Variants in CSNK1D observed in about 807,000 individuals in gnomAD.
CSNK1D encodes the protein casein kinase I isoform delta.
CSNK1D carries 16 observed loss-of-function variants against 46.6 expected under a neutral mutation model. That is an observed-to-expected ratio of 0.34 (90% CI 0.23 to 0.52). The LOEUF (loss-of-function observed/expected upper bound fraction) is 0.52. CSNK1D is among the 20% of genes least tolerant of loss of function. The pLI, the probability that CSNK1D is intolerant of heterozygous loss-of-function variation, is 0.95. For synonymous variants in CSNK1D, 276 were observed against 228.2 expected (o/e 1.21, Z -1.89); for missense variants, 398 against 578.4 (o/e 0.69, Z 3.20).
At chr17:82,261,418 A>T (rs549118963) in intron 2 of CSNK1D, among the ~76,000 whole-genome samples, 5 of 152,300 alleles carry the variant, frequency 3.3e-5, no homozygotes, top group Admixed American at 1.3e-4. Flanking sequence ...TGGGGATAAA[A>T]ATCGGGTGGA....
chr17:82,244,849 CAGG>C lies in CSNK1D; in HGVS notation c.1198-21_1198-19del, dbSNP rs750836786. 28 of 1,613,598 alleles carry C rather than the reference CAGG, an allele frequency of 1.7e-5. No individual in the cohort carries two copies. Among genetic ancestry groups the C allele is most frequent in the African/African-American group, 9.3e-5 (7 of 75,072 alleles). ...CCAGGAATCTGTCGGAGCCAAAGCACAGGAGAAGGTCAGCATGGGGCTGGGGGA... is the reference window on the plus strand; with the variant it reads ...CCAGGAATCTGTCGGAGCCAAAGCACAGAAGGTCAGCATGGGGCTGGGGGA... On this transcript the variant is annotated intron_variant, in intron 8 of 8. Coordinates refer to ENST00000314028, the MANE Select transcript of CSNK1D (RefSeq NM_001893.6).
rs557690262 is a variant in CSNK1D, at chr17:82,255,233, C to T, written c.336+196G>A. 72 of 700,802 alleles carry T rather than the reference C, an allele frequency of 1.0e-4. No homozygotes were observed. In the East Asian group the frequency reaches 1.8e-3, roughly 18 times the overall value. The allele number at this position is 700,802 out of a possible 1,614,324, so 43.4% of individuals were successfully genotyped here. On this transcript the variant is annotated intron_variant, in intron 3 of 8. Coordinates refer to ENST00000314028, the MANE Select transcript of CSNK1D (RefSeq NM_001893.6). This position sits in a 1 kb window ranked among gnomAD's most constrained non-coding sequence, Gnocchi z 5.9. ...CCAGTGAGCTGGGCCGCCGGAGCCT[C>T]GAGAAGCCAGTGAGCGGAGCCACCG...
intron 2 of CSNK1D, among the ~76,000 whole-genome samples, chr17:82,256,384 G>A (rs566438837): frequency 4.6e-5 from 7 of 152,074 alleles, no homozygotes; most frequent in Non-Finnish European, 7.4e-5. Flanking sequence ...GTGGTGGCAC[G>A]CTTCTGTGGT....
chr17:82,265,824 G>A (rs766801883), intron 1 of CSNK1D, 28 bp from the exon 2 acceptor site: 3 of 1,543,656 alleles, frequency 1.9e-6, no homozygotes, highest in Non-Finnish European at 2.7e-6. Context: ...ACCACAACAG[G>A]AATTACCTGG....
intron 1 of CSNK1D, among the ~76,000 whole-genome samples, chr17:82,267,734 G>A (rs995818998): frequency 1.3e-5 from 2 of 152,214 alleles, no homozygotes; most frequent in African/African-American, 2.4e-5. Context: ...CCAGCCGGGA[G>A]GGAGGGTGAC....
In CSNK1D at chr17:82,243,965, G is replaced by T. The variant is rs2050787389; in HGVS notation, c.*816C>A. The stretch of plus-strand genomic sequence containing the variant: ...AGCTGCCTGCCCACCTCCTGGGGAA[G>T]AAGCGCGCAGTGCTTTGCCTGGTAA... On this transcript the variant is annotated 3_prime_UTR_variant, in exon 9 of 9. Coordinates refer to ENST00000314028, the MANE Select transcript of CSNK1D (RefSeq NM_001893.6). 2 of 985,818 alleles carry T rather than the reference G, an allele frequency of 2.0e-6. No individual in the cohort carries two copies. Among genetic ancestry groups the T allele is most frequent in the Non-Finnish European group, 2.4e-6 (2 of 830,198 alleles). The allele number at this position is 985,818 out of a possible 1,614,324, so 61.1% of individuals were successfully genotyped here.
At chr17:82,258,587 C>A (rs2051245003) in intron 2 of CSNK1D, among the ~76,000 whole-genome samples, 1 of 152,172 alleles carries the variant, frequency 6.6e-6, no homozygotes, top group Admixed American at 6.5e-5. Flanking sequence ...TTCCCTTTCT[C>A]CACTCCAATG....
rs112053733 is a variant in CSNK1D at position 82,258,014 on chromosome 17, GA to G, written c.188-2438del. ...TTAAGTCCAAGTTTGAGACCAGAAA[GA>G]AAACATACTGAGACCCCCGTCTCTA... On this transcript the variant is annotated intron_variant, in intron 2 of 8. Transcript: ENST00000314028. Among the ~76,000 whole-genome samples, 146 of 152,038 alleles carry G rather than the reference GA, an allele frequency of 9.6e-4. 1 individual carries two copies. The highest frequency in any genetic ancestry group is 3.3e-3 in the African/African-American group (135 of 41,476).
chr17:82,242,955 T>C lies in CSNK1D; in HGVS notation c.*1826A>G. 1.0e-6 allele frequency: 1 copy of C among 985,364 alleles called. No individual in the cohort carries two copies. Among genetic ancestry groups the C allele is most frequent in the Non-Finnish European group, 1.2e-6 (1 of 829,878 alleles). 61.0% of individuals were successfully genotyped at this position (985,364 alleles called of 1,614,324 possible). ...ACCACAGATATTTACAAAGCAAGCT[T>C]GCGCCACTTCAGGCCACAGCGCGAC... On this transcript the variant is annotated 3_prime_UTR_variant, in exon 9 of 9. Coordinates refer to ENST00000314028, the MANE Select transcript of CSNK1D (RefSeq NM_001893.6).
chr17:82,247,958 T>C (rs2050893418), intron 8 of CSNK1D: 1 of 985,506 alleles, frequency 1.0e-6, no homozygotes, highest in Non-Finnish European at 1.2e-6. Flanking sequence ...GGCATGTTCC[T>C]GGCTAGCCAG....
chr17:82,267,579 C>G (rs1329932302), intron 1 of CSNK1D, among the ~76,000 whole-genome samples: 2 of 152,216 alleles, frequency 1.3e-5, no homozygotes, highest in Non-Finnish European at 1.5e-5. Context: ...CTTCAGAGTA[C>G]TCGAGGTAAC....
At chr17:82,268,038 C>A (rs1287944753) in intron 1 of CSNK1D, among the ~76,000 whole-genome samples, 1 of 152,264 alleles carries the variant, frequency 6.6e-6, no homozygotes, top group Non-Finnish European at 1.5e-5. Flanking sequence ...GGACCTCTCG[C>A]TGTGCAAGCA....
Position 82,263,031 on chromosome 17 carries a change from TTAGC to T in CSNK1D, c.187+2651_187+2654del, listed in dbSNP as rs761174725. Among the ~76,000 whole-genome samples the T allele has an allele frequency of 3.8e-4, 58 of 152,074 alleles. 1 individual carries two copies. Among genetic ancestry groups the T allele is most frequent in the Non-Finnish European group, 6.6e-4 (45 of 67,974 alleles). Reference sequence around the variant, plus strand: ...CCTATCTCTACTAAAAATACAAAAATTAGCCAGGCAGGGTGGCTCATGCCTGTAA... The same window carrying T: ...CCTATCTCTACTAAAAATACAAAAATCAGGCAGGGTGGCTCATGCCTGTAA... On this transcript the variant is annotated intron_variant, in intron 2 of 8. Transcript: ENST00000314028.
rs887301105 is a variant in CSNK1D at position 82,252,736 on chromosome 17, G to C, written c.566-132C>G. On this transcript the variant is annotated intron_variant, in intron 4 of 8. Coordinates refer to ENST00000314028, the MANE Select transcript of CSNK1D (RefSeq NM_001893.6). This position sits in a 1 kb window ranked among gnomAD's most constrained non-coding sequence, Gnocchi z 4.6. The stretch of plus-strand genomic sequence containing the variant: ...CAGATCACTCCAGCTGGCACTTCCA[G>C]TGGAGACGAACCTCGGACACACATG... The C allele has an allele frequency of 3.1e-5, 30 of 970,282 alleles. No homozygotes were observed. Among genetic ancestry groups the C allele is most frequent in the African/African-American group, 6.5e-5 (4 of 61,980 alleles). 60.1% of individuals were successfully genotyped at this position (970,282 alleles called of 1,614,324 possible).
intron 2 of CSNK1D, among the ~76,000 whole-genome samples, chr17:82,259,704 C>T (rs1017302411): frequency 3.3e-5 from 5 of 152,162 alleles, no homozygotes; most frequent in Middle Eastern, 3.2e-3. Flanking sequence ...ATGAGTCAGA[C>T]GAAGCTACTG....
intron 1 of CSNK1D, among the ~76,000 whole-genome samples, chr17:82,271,769 G>A (rs998576062): frequency 6.6e-6 from 1 of 152,232 alleles, no homozygotes. Flanking sequence ...GTGACAAGTG[G>A]GAAGGGTGTG....
At chr17:82,254,689 G>A (rs1346489659) in intron 3 of CSNK1D, 3 of 101,346 alleles carry the variant, frequency 3.0e-5, no homozygotes, top group East Asian at 4.0e-4. Flanking sequence ...CCGGAGCCTC[G>A]AGACGCCAGT....
rs112553966 is a variant in CSNK1D at position 82,251,827 on chromosome 17, G to GAAAA, written c.737-304_737-301dup. 4.1e-5 allele frequency: 11 copies of GAAAA among 267,212 alleles called. No individual in the cohort carries two copies. Among genetic ancestry groups the GAAAA allele is most frequent in the East Asian group, 9.7e-5 (1 of 10,298 alleles). The allele number at this position is 267,212 out of a possible 1,614,324, so 16.6% of individuals were successfully genotyped here. The stretch of plus-strand genomic sequence containing the variant: ...AACACAGTGAAACCCCATCTCTACT[G>GAAAA]AAAAAAAAAAAAAAAAAGTTCTAGA... On this transcript the variant is annotated intron_variant, in intron 5 of 8. Transcript: ENST00000314028. This position sits in a 1 kb window ranked among gnomAD's most constrained non-coding sequence, Gnocchi z 4.5.
At chr17:82,239,405 C>G, downstream of CSNK1D, 1 of 176,690 alleles carries the variant, frequency 5.7e-6, no homozygotes, top group Middle Eastern at 2.4e-3. Context: ...GCCCACCCCT[C>G]TTGAGTGTCT....
Sources: allele counts gnomAD v4.1 joint callset (sites outside exome capture counted in the v4.1 genomes callset), GRCh38; gene constraint gnomAD v4.1.1; non-coding constraint Gnocchi (gnomAD v3.1); transcripts MANE v1.5; gene names NCBI Gene and HGNC (gene_info 2026-07-23, HGNC 2026-07-21).